Variants in KBTBD12 observed in about 807,000 individuals in gnomAD.
KBTBD12 encodes the protein kelch repeat and BTB domain containing 12.
A neutral mutation model predicts 58.7 loss-of-function variants in KBTBD12; 53 were observed. The observed-to-expected ratio is 0.90, with a 90% confidence interval of 0.72 to 1.14. The LOEUF (loss-of-function observed/expected upper bound fraction) is 1.14. Ranked by LOEUF, KBTBD12 falls within the 50% of genes most tolerant of loss-of-function variation. KBTBD12 has a pLI of 0.00. For synonymous variants in KBTBD12, 236 were observed against 259.8 expected (o/e 0.91, Z 0.88); for missense variants, 704 against 751.3 (o/e 0.94, Z 0.74).
rs762519537 is a variant in KBTBD12 at position 127,923,995 on chromosome 3, T to C, written c.934T>C (p.Ser312Pro). The C allele has an allele frequency of 9.9e-6, 16 of 1,613,806 alleles. No individual in the cohort carries two copies. The highest frequency in any genetic ancestry group is 1.4e-5 in the Non-Finnish European group (16 of 1,179,740). Residue 312 changes from serine to proline, a missense_variant, in exon 2 of 6, where the codon TCA (serine) becomes CCA (proline). Ser to Pro is a moderately conservative substitution (Grantham distance 74). Transcript: ENST00000405109. ...TGTATCACGGAAAACCTATTTCATC[T>C]CATCTCCCAAGTACGGAGAGGGTTT... Reference protein sequence around the residue: ...DPVSRKTYFISSPKYGEGLGT... With the variant: ...DPVSRKTYFIPSPKYGEGLGT...
chr3:127,941,158 G>A lies in KBTBD12; in HGVS notation c.1492+10875G>A, dbSNP rs559742071. Among the ~76,000 whole-genome samples the A allele has an allele frequency of 4.4e-4, 67 of 152,208 alleles. 1 individual carries two copies. The highest frequency in any genetic ancestry group is 1.5e-3 in the African/African-American group (61 of 41,510). On this transcript the variant is annotated intron_variant, in intron 4 of 5. Coordinates refer to ENST00000405109, the MANE Select transcript of KBTBD12 (RefSeq NM_207335.4). ...TCTGCAACCTCTTTTAGAACAAAGAGGGAAAACTTCCCATCTCATTTTATA... is the reference window on the plus strand; with the variant it reads ...TCTGCAACCTCTTTTAGAACAAAGAAGGAAAACTTCCCATCTCATTTTATA...
chr3:127,982,555 C>A (rs1335990910), intron 5 of KBTBD12, among the ~76,000 whole-genome samples: 1 of 152,230 alleles, frequency 6.6e-6, no homozygotes, highest in Non-Finnish European at 1.5e-5. Flanking sequence ...TCCCCTCACT[C>A]CTGTCTTCTG....
intron 4 of KBTBD12, among the ~76,000 whole-genome samples, chr3:127,958,052 G>T (rs1222361560): frequency 6.6e-6 from 1 of 152,168 alleles, no homozygotes; most frequent in Admixed American, 6.5e-5. Context: ...CCAAGCCTAG[G>T]CCTAGAGACA....
intron 5 of KBTBD12, among the ~76,000 whole-genome samples, chr3:127,969,401 A>G (rs935122378): frequency 1.3e-5 from 2 of 152,204 alleles, no homozygotes; most frequent in Admixed American, 6.5e-5. Context: ...ACTGCAAGAC[A>G]TCATTAAAAG....
At position 127,964,624 on chromosome 3, in the gene KBTBD12, G is replaced by A. The variant is rs531955433; in HGVS notation, c.1690+1238G>A. Reference sequence around the variant, plus strand: ...GCCACTACACTCCAGCCTGGCAACAGAGCGAGACTCCATCTCAAAAAAAAA... The same window carrying A: ...GCCACTACACTCCAGCCTGGCAACAAAGCGAGACTCCATCTCAAAAAAAAA... On this transcript the variant is annotated intron_variant, in intron 5 of 5. Transcript: ENST00000405109. Among the ~76,000 whole-genome samples the A allele has an allele frequency of 2.2e-5, 3 of 136,258 alleles. No individual in the cohort carries two copies. The East Asian group carries it at 6.4e-4, about 29-fold the overall frequency. 89.4% of individuals were successfully genotyped at this position (136,258 alleles called of 152,430 possible). A position where few individuals can be genotyped will look rare whatever the true frequency, so the allele number is the denominator to read the frequency against.
intron 4 of KBTBD12, among the ~76,000 whole-genome samples, chr3:127,941,378 A>G (rs1394327393): frequency 6.6e-6 from 1 of 152,224 alleles, no homozygotes; most frequent in African/African-American, 2.4e-5. Flanking sequence ...ATATTCAGAA[A>G]TCAATCAATA....
rs1576390420 is a variant in KBTBD12 at position 127,963,344 on chromosome 3, G to A, written c.1648G>A (p.Val550Met). 6.2e-7 allele frequency: 1 copy of A among 1,612,342 alleles called. No individual in the cohort carries two copies. ...CACCAATTCCACCAATGCAGGGGCA[G>A]TGGATGGGAAACTCTATGTCTGCGG... ...LRTNSTNAGA[V>M]DGKLYVCGGF... Residue 550 changes from valine to methionine, a missense_variant, in exon 5 of 6, where the codon GTG becomes ATG. Transcript: ENST00000405109.
chr3:127,967,245 C>G (rs766175790), intron 5 of KBTBD12, among the ~76,000 whole-genome samples: 6 of 152,134 alleles, frequency 3.9e-5, no homozygotes, highest in Non-Finnish European at 7.4e-5. Flanking sequence ...TGGAGCCGGT[C>G]AAAGGGCTCT....
chr3:127,945,583 T>C (rs1309764260), intron 4 of KBTBD12, among the ~76,000 whole-genome samples: 3 of 152,062 alleles, frequency 2.0e-5, no homozygotes, highest in African/African-American at 4.8e-5. Context: ...TGTTGGTTAT[T>C]TGTATTTATT....
rs1255706508 is a variant in KBTBD12 at position 127,987,588 on chromosome 3, G to A, written c.*3310G>A. 1.3e-5 allele frequency: 2 copies of A among 152,218 alleles called. No homozygotes were observed. Among genetic ancestry groups the A allele is most frequent in the Admixed American group, 6.5e-5 (1 of 15,278 alleles). The allele number at this position is 152,218 out of a possible 1,614,324, so 9.4% of individuals were successfully genotyped here. A position where few individuals can be genotyped will look rare whatever the true frequency, so the allele number is the denominator to read the frequency against. ...CAGCCTGCCCCAGTGTGTTCAACAC[G>A]GTGGCATTGTTCTCCCTGACTTCAT... On this transcript the variant is annotated 3_prime_UTR_variant, in exon 6 of 6. Transcript: ENST00000405109.
At chr3:127,924,281 CT>C in intron 2 of KBTBD12, 150 bp downstream of exon 2, 1 of 517,616 alleles carries the variant, frequency 1.9e-6, no homozygotes, top group Non-Finnish European at 3.4e-6. Context: ...ACAGAACATG[CT>C]TTTGTGTGTC....
intron 1 of KBTBD12, among the ~76,000 whole-genome samples, chr3:127,916,461 G>A (rs1051557952): frequency 2.6e-5 from 4 of 152,084 alleles, no homozygotes; most frequent in African/African-American, 9.7e-5. Flanking sequence ...TAAATGGACA[G>A]GAAAGAGAAA....
chr3:127,917,810 A>G (rs1939290777), intron 1 of KBTBD12, among the ~76,000 whole-genome samples: 1 of 152,248 alleles, frequency 6.6e-6, no homozygotes, highest in African/African-American at 2.4e-5. Flanking sequence ...TACAAAACCT[A>G]GAGAAAAGTT....
intron 5 of KBTBD12, among the ~76,000 whole-genome samples, chr3:127,975,341 C>T (rs1940765111): frequency 6.6e-6 from 1 of 152,208 alleles, no homozygotes; most frequent in African/African-American, 2.4e-5. Flanking sequence ...CGGATGTAGT[C>T]AGCCTGTTCT....
chr3:127,928,963 A>G (rs1939638530), intron 3 of KBTBD12, among the ~76,000 whole-genome samples: 1 of 152,216 alleles, frequency 6.6e-6, no homozygotes, highest in Admixed American at 6.5e-5. Context: ...AAAAAGTAGT[A>G]CAGATTTCAT....
intron 3 of KBTBD12, among the ~76,000 whole-genome samples, chr3:127,929,352 T>C (rs565553070): frequency 1.5e-4 from 23 of 152,226 alleles, no homozygotes; most frequent in Non-Finnish European, 2.8e-4. Flanking sequence ...TTCATAAGTA[T>C]GCCAGTTATT....
At chr3:127,934,470 G>A (rs1308681044) in intron 4 of KBTBD12, among the ~76,000 whole-genome samples, 2 of 152,076 alleles carry the variant, frequency 1.3e-5, no homozygotes, top group East Asian at 3.9e-4. Context: ...CCTATGAACA[G>A]ATGTTTAATG....
At chr3:127,940,351 A>T (rs1939923176) in intron 4 of KBTBD12, among the ~76,000 whole-genome samples, 1 of 152,136 alleles carries the variant, frequency 6.6e-6, no homozygotes, top group Non-Finnish European at 1.5e-5. Context: ...CATAAAACAA[A>T]CCTTAACAAA....
Position 127,928,035 on chromosome 3 carries a change from G to T in KBTBD12, c.1341+1G>T. ...TGTAATTGGAGGCTGGACCCCTCAG[G>T]TTAAGAAATTTCCTGTATACATAAT... On this transcript the variant is annotated splice_donor_variant, in intron 3 of 5. Transcript: ENST00000405109. LOFTEE classifies it high-confidence loss of function. 6.2e-7 allele frequency: 1 copy of T among 1,612,544 alleles called. No individual in the cohort carries two copies. Among genetic ancestry groups the T allele is most frequent in the East Asian group, 2.2e-5 (1 of 44,856 alleles).
Sources: allele counts gnomAD v4.1 joint callset (sites outside exome capture counted in the v4.1 genomes callset), GRCh38; gene constraint gnomAD v4.1.1; transcripts MANE v1.5; gene names NCBI Gene and HGNC (gene_info 2026-07-23, HGNC 2026-07-21).